The following SLC39A11 variants were observed in gnomAD, a reference collection of about 807,000 sequenced individuals.
The protein encoded by SLC39A11 is zinc transporter ZIP11.
In SLC39A11, 33 loss-of-function variants were observed where a neutral mutation model predicts 36.1. That is an observed-to-expected ratio of 0.91 (90% CI 0.69 to 1.22). The LOEUF (loss-of-function observed/expected upper bound fraction) is 1.22, where lower values mean the gene tolerates loss of function less well. Among genes scored for constraint, SLC39A11 ranks in the 50% most tolerant of loss-of-function variants. The pLI, the probability that SLC39A11 is intolerant of heterozygous loss-of-function variation, is 0.00. For missense variants in SLC39A11, 432 were observed against 430.3 expected (o/e 1.00, Z -0.03); for synonymous variants, 166 against 170.3 (o/e 0.97, Z 0.20).
At chr17:72,981,050 C>G (rs1191670373) in intron 4 of SLC39A11, among the ~76,000 whole-genome samples, 3 of 151,288 alleles carry the variant, frequency 2.0e-5, no homozygotes, top group Non-Finnish European at 4.4e-5. Context: ...AGAATGTGAG[C>G]TACAAATATA....
chr17:73,067,721 G>T (rs1244986566), intron 3 of SLC39A11: 6 of 699,242 alleles, frequency 8.6e-6, no homozygotes, highest in African/African-American at 3.6e-5. Flanking sequence ...TTCATGCTAT[G>T]GATGTTTTCT....
At chr17:73,072,847 C>A (rs535244472) in intron 3 of SLC39A11, among the ~76,000 whole-genome samples, 76 of 152,284 alleles carry the variant, frequency 5.0e-4, no homozygotes, top group African/African-American at 1.7e-3. Flanking sequence ...CAATGCACAG[C>A]GGTTTTCTTG....
At chr17:72,808,475 G>A (rs1023001238) in intron 6 of SLC39A11, among the ~76,000 whole-genome samples, 3 of 152,160 alleles carry the variant, frequency 2.0e-5, no homozygotes, top group Admixed American at 2.0e-4. Context: ...ACTGAAACTG[G>A]CTTTGTAAGA....
chr17:72,829,408 A>G (rs1013354804), intron 6 of SLC39A11, among the ~76,000 whole-genome samples: 4 of 151,628 alleles, frequency 2.6e-5, no homozygotes, highest in African/African-American at 9.7e-5. Flanking sequence ...GATGGGAACT[A>G]GAGGTGGGGG....
intron 7 of SLC39A11, among the ~76,000 whole-genome samples, chr17:72,714,657 GA>G (rs1202557285): frequency 2.6e-5 from 4 of 152,296 alleles, no homozygotes; most frequent in African/African-American, 9.6e-5. Flanking sequence ...CCTTAACAAG[GA>G]GAAAGAGCTT....
intron 7 of SLC39A11, among the ~76,000 whole-genome samples, chr17:72,690,914 G>A (rs1328971948): frequency 6.6e-6 from 1 of 152,158 alleles, no homozygotes; most frequent in Non-Finnish European, 1.5e-5. Flanking sequence ...CCAAGGAATG[G>A]CAGTCACCTG....
At position 72,843,965 on chromosome 17, in the gene SLC39A11, A is replaced by T. The variant is rs529101632; in HGVS notation, c.601+5669T>A. 5.2e-4 allele frequency among the ~76,000 whole-genome samples: 79 copies of T among 152,010 alleles called. 1 individual carries two copies. Among genetic ancestry groups the T allele is most frequent in the South Asian group, 1.7e-3 (8 of 4,804 alleles). ...CATTTTCCTTCTACTCCAAAAAAAAATTTTTTTTAGCAAAATGTCATCCTC... is the reference window on the plus strand; with the variant it reads ...CATTTTCCTTCTACTCCAAAAAAAATTTTTTTTTAGCAAAATGTCATCCTC... On this transcript the variant is annotated intron_variant, in intron 6 of 9. Transcript: ENST00000255559.
At chr17:72,805,573 C>A (rs1180035651) in intron 6 of SLC39A11, among the ~76,000 whole-genome samples, 1 of 152,066 alleles carries the variant, frequency 6.6e-6, no homozygotes, top group African/African-American at 2.4e-5. Flanking sequence ...TCCTTCCCGC[C>A]CTGGATCAGT....
intron 5 of SLC39A11, among the ~76,000 whole-genome samples, chr17:72,895,090 T>TGCATTGGTGGGTGCTAGTC (rs1037910760): frequency 6.6e-6 from 1 of 151,088 alleles, no homozygotes; most frequent in Admixed American, 6.6e-5. Context: ...TATTGCTAGT[T>TGCATTGGTGGGTGCTAGTC]GCATTGGTGG....
intron 5 of SLC39A11, among the ~76,000 whole-genome samples, chr17:72,918,818 C>T (rs117344027): frequency 0.031 from 4,785 of 152,262 alleles, 83 homozygotes; most frequent in East Asian, 0.077. Context: ...AATCCCAGCA[C>T]TTTGGGGGTT....
chr17:72,993,515 T>C (rs1040900183), intron 4 of SLC39A11, among the ~76,000 whole-genome samples: 2 of 152,156 alleles, frequency 1.3e-5, no homozygotes, highest in Admixed American at 6.5e-5. Flanking sequence ...CCTGGGAGCA[T>C]TTTTGCAAAG....
intron 4 of SLC39A11, among the ~76,000 whole-genome samples, chr17:72,966,528 G>C (rs1302121413): frequency 6.6e-6 from 1 of 151,954 alleles, no homozygotes; most frequent in African/African-American, 2.4e-5. Context: ...TGAGCAGCAG[G>C]GGGTTGAGGA....
chr17:72,923,132 T>C (rs990016772), intron 5 of SLC39A11, among the ~76,000 whole-genome samples: 1 of 152,118 alleles, frequency 6.6e-6, no homozygotes. Flanking sequence ...TGGTAGATTG[T>C]AATAGCTGTT....
At chr17:73,078,692 T>G (rs2060414326) in intron 3 of SLC39A11, among the ~76,000 whole-genome samples, 1 of 152,094 alleles carries the variant, frequency 6.6e-6, no homozygotes, top group Admixed American at 6.6e-5. Flanking sequence ...AGACGGGGTT[T>G]CGCCATGTTG....
intron 5 of SLC39A11, among the ~76,000 whole-genome samples, chr17:72,913,799 C>T (rs2083165452): frequency 6.6e-6 from 1 of 151,866 alleles, no homozygotes; most frequent in Non-Finnish European, 1.5e-5. Flanking sequence ...CTCTGTATCT[C>T]AGTCTGCATG....
At chr17:73,067,489 G>A (rs2060029931) in intron 3 of SLC39A11, among the ~76,000 whole-genome samples, 1 of 152,184 alleles carries the variant, frequency 6.6e-6, no homozygotes, top group African/African-American at 2.4e-5. Flanking sequence ...CCCAGCCATG[G>A]TCTCTAGATT....
chr17:73,022,771 C>T (rs2148603237), intron 4 of SLC39A11, among the ~76,000 whole-genome samples: 1 of 152,200 alleles, frequency 6.6e-6, no homozygotes, highest in East Asian at 1.9e-4. Context: ...ACAATGCTAA[C>T]CATGGCTTCC....
At chr17:72,689,366 G>C (rs1188969648) in intron 7 of SLC39A11, among the ~76,000 whole-genome samples, 2 of 152,234 alleles carry the variant, frequency 1.3e-5, no homozygotes, top group African/African-American at 4.8e-5. Context: ...GGTCATGGAA[G>C]GCCCGATGGG....
intron 5 of SLC39A11, among the ~76,000 whole-genome samples, chr17:72,861,001 A>G (rs2079949691): frequency 6.6e-6 from 1 of 152,174 alleles, no homozygotes; most frequent in Admixed American, 6.5e-5. Context: ...AACACGTACA[A>G]CACAAACCAC....
Sources: allele counts gnomAD v4.1 joint callset (sites outside exome capture counted in the v4.1 genomes callset), GRCh38; gene constraint gnomAD v4.1.1; transcripts MANE v1.5; gene names NCBI Gene and HGNC (gene_info 2026-07-23, HGNC 2026-07-21).